CLEC4A: variants seen among roughly 807,000 people sequenced by gnomAD.
CLEC4A encodes C-type (calcium dependent, carbohydrate-recognition domain) lectin, superfamily member 6.
CLEC4A carries 27 observed loss-of-function variants against 32.7 expected under a neutral mutation model. The ratio of observed to expected loss-of-function variants is 0.83; its 90% CI spans 0.61 to 1.14. The LOEUF is 1.14. Ranked by LOEUF, CLEC4A falls within the 50% of genes most tolerant of loss-of-function variation. The pLI, the probability that CLEC4A is intolerant of heterozygous loss-of-function variation, is 0.00. For missense variants in CLEC4A, 253 were observed against 274.6 expected (o/e 0.92, Z 0.55); for synonymous variants, 89 against 93.7 (o/e 0.95, Z 0.29).
At chr12:8,114,448 G>T in the CLEC4A span, among the ~76,000 whole-genome samples, 1 of 152,094 alleles carries the variant, frequency 6.6e-6, no homozygotes, top group African/African-American at 2.4e-5. Context: ...GTTTCACCGT[G>T]TTAGCCAGGA....
At chr12:8,103,373 G>GTTTTTTTTTTTTTTTTTTTTTT in the CLEC4A span, among the ~76,000 whole-genome samples, 18 of 78,018 alleles carry the variant, frequency 2.3e-4, 4 homozygotes, top group African/African-American at 5.0e-4. Context: ...GTTTCTTTCT[G>GTTTTTTTTTTTTTTTTTTTTTT]TTGTTTTTTT....
chr12:8,111,953 G>A, the CLEC4A span, among the ~76,000 whole-genome samples: 1 of 149,740 alleles, frequency 6.7e-6, no homozygotes, highest in South Asian at 2.1e-4. Context: ...GTGTGTGTGT[G>A]TGTGTGTGTG....
At position 8,136,824 on chromosome 12, in the gene CLEC4A, T is replaced by C; in HGVS notation, c.487T>C (p.Tyr163His). 1.2e-6 allele frequency: 2 copies of C among 1,613,428 alleles called. No individual in the cohort carries two copies. The highest frequency in any genetic ancestry group is 1.7e-6 in the Non-Finnish European group (2 of 1,179,428). Reference protein sequence around the residue: ...IFQNLQEESAYFVGLSDPEGQ... With the variant: ...IFQNLQEESAHFVGLSDPEGQ... ...CCAGAATCTGCAAGAAGAATCTGCT[T>C]ATTTTGTGGGGCTCTCAGATCCAGA... Residue 163 changes from tyrosine to histidine, a missense_variant, in exon 5 of 6, where the codon TAT (tyrosine) becomes CAT (histidine). Transcript: ENST00000229332.
rs556423268 is a variant in CLEC4A, at chr12:8,132,910, G to GT, written c.299-2665dup. Among the ~76,000 whole-genome samples, 64 of 149,918 alleles carry GT rather than the reference G, an allele frequency of 4.3e-4. 1 individual carries two copies. The highest frequency in any genetic ancestry group is 2.9e-3 in the South Asian group (14 of 4,760). Reference sequence around the variant, plus strand: ...TTTGTGGGTTTTTTTGTTTGTTTTTGTTTTTTTTTTGTTTTTGTTTTTCAG... The same window carrying GT: ...TTTGTGGGTTTTTTTGTTTGTTTTTGTTTTTTTTTTTGTTTTTGTTTTTCAG... On this transcript the variant is annotated intron_variant, in intron 3 of 5. Transcript: ENST00000229332.
chr12:8,136,123 A>G (rs1948112548), intron 4 of CLEC4A, among the ~76,000 whole-genome samples: 1 of 152,258 alleles, frequency 6.6e-6, no homozygotes, highest in South Asian at 2.1e-4. Flanking sequence ...ACACTCAGGA[A>G]TGAAAATAAA....
intron 2 of CLEC4A, 71 bp downstream of exon 2, chr12:8,125,748 C>T: frequency 2.2e-6 from 2 of 893,892 alleles, no homozygotes; most frequent in Non-Finnish European, 3.5e-6. Flanking sequence ...TAAAAACTGA[C>T]TTTTGAAAAT....
At chr12:8,109,551 TTTA>T in the CLEC4A span, among the ~76,000 whole-genome samples, 2 of 152,166 alleles carry the variant, frequency 1.3e-5, no homozygotes. Flanking sequence ...TAAAACAAAT[TTTA>T]AAATTAAATT....
chr12:8,125,420 T>C (rs1355097261), intron 1 of CLEC4A, 141 bp from the exon 2 acceptor site: 4 of 588,002 alleles, frequency 6.8e-6, no homozygotes, highest in South Asian at 4.5e-5. Context: ...ATCCTTTCTA[T>C]TCCTATTCTC....
intron 3 of CLEC4A, among the ~76,000 whole-genome samples, chr12:8,130,995 A>G (rs1003807864): frequency 2.0e-5 from 3 of 152,022 alleles, no homozygotes; most frequent in East Asian, 1.9e-4. Flanking sequence ...GATTTTCCTC[A>G]TATTTGATGA....
chr12:8,131,765 TTTA>T (rs1216356538), intron 3 of CLEC4A, among the ~76,000 whole-genome samples: 1 of 151,984 alleles, frequency 6.6e-6, no homozygotes, highest in African/African-American at 2.4e-5. Flanking sequence ...TTTTATTCCA[TTTA>T]TTTATTTATA....
chr12:8,137,253 ATAAC>A (rs1262034407), intron 5 of CLEC4A, among the ~76,000 whole-genome samples: 2 of 147,624 alleles, frequency 1.4e-5, no homozygotes, highest in Admixed American at 6.9e-5. Flanking sequence ...GATTAAGATC[ATAAC>A]CAATTATTAA....
chr12:8,114,154 C>T, the CLEC4A span, among the ~76,000 whole-genome samples: 2,040 of 152,272 alleles, frequency 0.013, 48 homozygotes, highest in African/African-American at 0.046. Context: ...GGAGTCCATA[C>T]GGTGCTCAAA....
At position 8,129,323 on chromosome 12, in the gene CLEC4A, A is replaced by T; in HGVS notation, c.259A>T (p.Thr87Ser). Residue 87 changes from threonine (T) to serine (S), a missense_variant, in exon 3 of 6, where the codon ACA becomes TCA. Coordinates refer to ENST00000229332, the MANE Select transcript of CLEC4A (RefSeq NM_016184.4). ...EKKTTKELVH[T>S]TLECVKKNMP... ...AAAGACTACAAAAGAGCTGGTTCAT[A>T]CAACATTGGAGTGTGTGAAAAAAAA... 1.2e-6 allele frequency: 2 copies of T among 1,608,354 alleles called. No homozygotes were observed. Among genetic ancestry groups the T allele is most frequent in the Non-Finnish European group, 1.7e-6 (2 of 1,178,514 alleles).
the CLEC4A span, among the ~76,000 whole-genome samples, chr12:8,109,391 C>A: frequency 1.3e-5 from 2 of 152,144 alleles, no homozygotes; most frequent in Non-Finnish European, 1.5e-5. Flanking sequence ...TGGTCAGGAA[C>A]ATGGATTTGG....
chr12:8,116,934 G>C, the CLEC4A span, among the ~76,000 whole-genome samples: 14 of 152,274 alleles, frequency 9.2e-5, no homozygotes, highest in South Asian at 2.1e-3. Context: ...TCACAATCAA[G>C]CCTCTCGTTT....
rs1392284664 is a variant in CLEC4A, at chr12:8,138,324, A to G, written c.*37A>G. The G allele has an allele frequency of 6.2e-7, 1 of 1,612,180 alleles. No homozygotes were observed. The highest frequency in any genetic ancestry group is 8.5e-7 in the Non-Finnish European group (1 of 1,178,630). ...TCCATGAACAGGTGGTTGGATTGGT[A>G]TCTGTCATTGTAGGGATAGATAATA... On this transcript the variant is annotated 3_prime_UTR_variant, in exon 6 of 6. Coordinates refer to ENST00000229332, the MANE Select transcript of CLEC4A (RefSeq NM_016184.4).
At chr12:8,134,973 G>GTTTTTTTTTTTTTTTTTTTTTTTTTT (rs371181779) in intron 3 of CLEC4A, 7 of 290,650 alleles carry the variant, frequency 2.4e-5, no homozygotes, top group African/African-American at 2.1e-4. Flanking sequence ...TTGTTGAAGC[G>GTTTTTTTTTTTTTTTTTTTTTTTTTT]TTTTTGTTTT....
chr12:8,135,014 A>T (rs1398367899), intron 3 of CLEC4A, among the ~76,000 whole-genome samples: 1 of 21,898 alleles, frequency 4.6e-5, no homozygotes, highest in African/African-American at 1.5e-4. Context: ...CTGCTTTTAA[A>T]TCTTTGTCAG....
At chr12:8,107,378 T>G in the CLEC4A span, among the ~76,000 whole-genome samples, 1 of 152,236 alleles carries the variant, frequency 6.6e-6, no homozygotes, top group Non-Finnish European at 1.5e-5. Context: ...AGGATGATAC[T>G]GGCTTCAGAG....
Sources: allele counts gnomAD v4.1 joint callset (sites outside exome capture counted in the v4.1 genomes callset), GRCh38; gene constraint gnomAD v4.1.1; transcripts MANE v1.5; gene names NCBI Gene and HGNC (gene_info 2026-07-23, HGNC 2026-07-21).